The following ZEB2 variants were observed in gnomAD, a reference collection of about 807,000 sequenced individuals.
The protein encoded by ZEB2 is zinc finger E-box binding homeobox 2.
In ZEB2, 6 loss-of-function variants were observed where a neutral mutation model predicts 99.9. That is an observed-to-expected ratio of 0.06 (90% CI 0.03 to 0.12). ZEB2 has a LOEUF of 0.12. Ranked by LOEUF, ZEB2 falls within the 10% of genes least tolerant of loss-of-function variation. The pLI is 1.00. For synonymous variants in ZEB2, 517 were observed against 542.5 expected (o/e 0.95, Z 0.65); for missense variants, 969 against 1,502.8 (o/e 0.64, Z 5.87).
chr2:144,474,443 C>T (rs184283974), intron 2 of ZEB2, among the ~76,000 whole-genome samples: 209 of 152,296 alleles, frequency 1.4e-3, no homozygotes, highest in Non-Finnish European at 2.3e-3. Flanking sequence ...AAAGCCAAAG[C>T]AAATCATTTT....
At chr2:144,441,777 T>C (rs959131444) in intron 2 of ZEB2, among the ~76,000 whole-genome samples, 1 of 152,198 alleles carries the variant, frequency 6.6e-6, no homozygotes, top group African/African-American at 2.4e-5. Context: ...AGCTGCATGA[T>C]CTATGACCCA....
chr2:144,459,974 T>C (rs963385710), intron 2 of ZEB2, among the ~76,000 whole-genome samples: 1 of 152,088 alleles, frequency 6.6e-6, no homozygotes, highest in Non-Finnish European at 1.5e-5. Context: ...TAAGGAGAGA[T>C]CCTGAAGAAA....
intron 2 of ZEB2, among the ~76,000 whole-genome samples, chr2:144,475,961 CA>C (rs1265889289): frequency 6.6e-6 from 1 of 152,072 alleles, no homozygotes; most frequent in African/African-American, 2.4e-5. Context: ...ATATCAGAAA[CA>C]AAGATGATCA....
rs1397900572 is a variant in ZEB2 at position 144,430,019 on chromosome 2, G to A, written c.81C>T (p.Asn27=). 1.4e-5 allele frequency: 22 copies of A among 1,612,994 alleles called. 1 individual carries two copies. Among genetic ancestry groups the A allele is most frequent in the Non-Finnish European group, 1.7e-5 (20 of 1,179,840 alleles). Reference sequence around the variant, plus strand: ...AACCTGTGTCCACTACATTGTCATAGTTCACCACTGCAGAAGAAGCACAAA... The same window carrying A: ...AACCTGTGTCCACTACATTGTCATAATTCACCACTGCAGAAGAAGCACAAA... ...QANPRRKNVV[N]YDNVVDTGSE... is the part of the protein sequence containing the mutation. Residue 27 remains asparagine, a synonymous_variant, in exon 3 of 10, where the codon AAC becomes AAT. Coordinates refer to ENST00000627532, the MANE Select transcript of ZEB2 (RefSeq NM_014795.4).
At chr2:144,431,412 T>C (rs1450634749) in intron 2 of ZEB2, among the ~76,000 whole-genome samples, 5 of 151,848 alleles carry the variant, frequency 3.3e-5, no homozygotes, top group East Asian at 1.9e-4. Context: ...TTTTTTGTCA[T>C]GTGAAGCTGG....
At chr2:144,413,338 A>G (rs1703490206) in intron 4 of ZEB2, among the ~76,000 whole-genome samples, 1 of 152,240 alleles carries the variant, frequency 6.6e-6, no homozygotes, top group Non-Finnish European at 1.5e-5. Flanking sequence ...TTGAAATATC[A>G]GTTATTTCTT....
chr2:144,497,828 AAC>A (rs1704788155), intron 2 of ZEB2: 1 of 107,082 alleles, frequency 9.3e-6, no homozygotes, highest in Non-Finnish European at 2.1e-5. Flanking sequence ...TGTCATTCTC[AAC>A]ATATATATAT....
rs968052990 is a variant in ZEB2 at position 144,430,089 on chromosome 2, A to G, written c.74-63T>C. On this transcript the variant is annotated intron_variant, in intron 2 of 9. Transcript: ENST00000627532. ...TGTTGAGAAACATCAGCCACCCCTA[A>G]TTGTTTAGTTAAATGGAAAATAATT... 2.5e-6 allele frequency: 4 copies of G among 1,598,440 alleles called. No individual in the cohort carries two copies. In the African/African-American group the frequency reaches 4.0e-5, roughly 16 times the overall value.
At position 144,387,194 on chromosome 2, in the gene ZEB2, A is replaced by C. The variant is rs1703097598; in HGVS notation, c.*2257T>G. On this transcript the variant is annotated 3_prime_UTR_variant, in exon 10 of 10. Transcript: ENST00000627532. ...TGTTCTTGCCAACTGGAAATATCAT[A>C]CTCAAAATTTTAGCAAATTTAATAG... is the stretch of plus-strand genomic sequence containing the variant. 6.6e-6 allele frequency: 1 copy of C among 151,948 alleles called. No homozygotes were observed. The highest frequency in any genetic ancestry group is 2.4e-5 in the African/African-American group (1 of 41,358). 9.4% of individuals were successfully genotyped at this position (151,948 alleles called of 1,614,324 possible).
At chr2:144,462,535 T>C (rs555794997) in intron 2 of ZEB2, 1 of 152,184 alleles carries the variant, frequency 6.6e-6, no homozygotes, top group South Asian at 2.1e-4. Flanking sequence ...AGCATAAAAA[T>C]AGAATAAAGT....
intron 2 of ZEB2, among the ~76,000 whole-genome samples, chr2:144,435,499 T>G (rs1703825303): frequency 6.6e-6 from 1 of 151,472 alleles, no homozygotes; most frequent in Non-Finnish European, 1.5e-5. Context: ...CTCAGGAGGT[T>G]GAGGTAGGAG....
intron 3 of ZEB2, chr2:144,428,370 T>C (rs1471349543): frequency 1.3e-5 from 2 of 152,206 alleles, no homozygotes; most frequent in African/African-American, 4.8e-5. Flanking sequence ...TTTAAGATTG[T>C]TAATGACTTC....
chr2:144,507,745 TCTC>T (rs1356949279), intron 2 of ZEB2, among the ~76,000 whole-genome samples: 1 of 152,172 alleles, frequency 6.6e-6, no homozygotes, highest in African/African-American at 2.4e-5. Context: ...TCATCTTCCT[TCTC>T]CTTTCTCTTT....
At chr2:144,514,828 C>A (rs1005123877) in intron 2 of ZEB2, among the ~76,000 whole-genome samples, 11 of 152,202 alleles carry the variant, frequency 7.2e-5, no homozygotes, top group African/African-American at 1.2e-4. Flanking sequence ...GGGCTAAATG[C>A]CTTAAAATGT....
At chr2:144,476,853 T>G (rs1323645168) in intron 2 of ZEB2, among the ~76,000 whole-genome samples, 1 of 152,236 alleles carries the variant, frequency 6.6e-6, no homozygotes. Context: ...TATCACTTGC[T>G]GATTTCGCAC....
chr2:144,440,513 ATATTTTTTTTTTTTT>A (rs1444045205), intron 2 of ZEB2, among the ~76,000 whole-genome samples: 273 of 24,022 alleles, frequency 0.011, 1 homozygote, highest in African/African-American at 0.045. Flanking sequence ...ATATATATAT[ATATTTTTTTTTTTTT>A]TTTTTTTTTT....
At chr2:144,441,208 A>AGAGAGAGAGAGC (rs59338642) in intron 2 of ZEB2, among the ~76,000 whole-genome samples, 1 of 145,536 alleles carries the variant, frequency 6.9e-6, no homozygotes, top group East Asian at 2.0e-4. Context: ...AGAGAGAGAG[A>AGAGAGAGAGAGC]ACCTCATGCC....
intron 2 of ZEB2, among the ~76,000 whole-genome samples, chr2:144,455,744 C>T (rs547013003): frequency 1.6e-4 from 24 of 151,952 alleles, no homozygotes; most frequent in African/African-American, 5.6e-4. Flanking sequence ...ATGTTTCTCT[C>T]GTCTCTCTCT....
chr2:144,440,534 T>A lies in ZEB2; in HGVS notation c.74-10508A>T, dbSNP rs1213605655. Among the ~76,000 whole-genome samples the A allele has an allele frequency of 5.8e-3, 691 of 119,886 alleles. 9 individuals are homozygous for A. The highest frequency in any genetic ancestry group is 0.021 in the African/African-American group (643 of 29,950). The allele number at this position is 119,886 out of a possible 152,430, so 78.6% of individuals were successfully genotyped here. ...ATATATATTTTTTTTTTTTTTTTTT[T>A]TTTTTTTTAACTAGTGGTTAACTTT... On this transcript the variant is annotated intron_variant, in intron 2 of 9. Coordinates refer to ENST00000627532, the MANE Select transcript of ZEB2 (RefSeq NM_014795.4).
Sources: allele counts gnomAD v4.1 joint callset (sites outside exome capture counted in the v4.1 genomes callset), GRCh38; gene constraint gnomAD v4.1.1; transcripts MANE v1.5; gene names NCBI Gene and HGNC (gene_info 2026-07-23, HGNC 2026-07-21).